Variants in KCNQ1OT1 observed in about 807,000 individuals in gnomAD.
KCNQ1OT1 encodes KCNQ1 antisense RNA 2 (non-protein coding).
chr11:2,629,419 C>G, exon 1 of KCNQ1OT1: 1 of 398,366 alleles, frequency 2.5e-6, no homozygotes. Context: ...CAATGTCATG[C>G]AGTTTTTGCC....
At chr11:2,699,319 A>G in exon 1 of KCNQ1OT1, 1 of 399,094 alleles carries the variant, frequency 2.5e-6, no homozygotes. Flanking sequence ...CGCGGGGCAC[A>G]CAGCTCACCT....
rs536043845 is a variant in KCNQ1OT1 at position 2,664,809 on chromosome 11, T to C, written n.35186A>G. The stretch of plus-strand genomic sequence containing the variant: ...CAGTTACCAAAAAACATTTCCATTT[T>C]TCTTCAGCATTCTACTGATGTTAAA... On this transcript the variant is annotated non_coding_transcript_exon_variant, in exon 1 of 1. Coordinates refer to ENST00000597346, the Ensembl canonical transcript of KCNQ1OT1. This position sits in a 1 kb window ranked among gnomAD's most constrained non-coding sequence, Gnocchi z 5.1. 87 of 398,600 alleles carry C rather than the reference T, an allele frequency of 2.2e-4. No individual in the cohort carries two copies. Among genetic ancestry groups the C allele is most frequent in the Admixed American group, 4.4e-5 (1 of 22,726 alleles). 24.7% of individuals were successfully genotyped at this position (398,600 alleles called of 1,614,324 possible).
chr11:2,695,915 G>T lies in KCNQ1OT1; in HGVS notation n.4080C>A. ...CTTCCTACCTTTTTCTTAATGATTT[G>T]TGGTGCTTTCTGGTATATTTTAGCT... On this transcript the variant is annotated non_coding_transcript_exon_variant, in exon 1 of 1. Coordinates refer to ENST00000597346, the Ensembl canonical transcript of KCNQ1OT1. The surrounding 1 kb of genome is among the most constrained non-coding windows in gnomAD (Gnocchi z 5.2). The T allele has an allele frequency of 2.5e-6, 1 of 398,530 alleles. No individual in the cohort carries two copies. The highest frequency in any genetic ancestry group is 4.4e-6 in the Non-Finnish European group (1 of 226,052). The allele number at this position is 398,530 out of a possible 1,614,324, so 24.7% of individuals were successfully genotyped here.
In KCNQ1OT1 at chr11:2,677,856, C is replaced by T. The variant is rs1850321224; in HGVS notation, n.22139G>A. 1.0e-5 allele frequency: 4 copies of T among 398,478 alleles called. No homozygotes were observed. In the East Asian group the frequency reaches 1.4e-4, roughly 14 times the overall value. The allele number at this position is 398,478 out of a possible 1,614,324, so 24.7% of individuals were successfully genotyped here. On this transcript the variant is annotated non_coding_transcript_exon_variant, in exon 1 of 1. Transcript: ENST00000597346. This position sits in a 1 kb window ranked among gnomAD's most constrained non-coding sequence, Gnocchi z 4.5. ...CAAATAAGGGCTGTACCATTTACAT[C>T]ACTTTGACTGCACAAATGCACTTTC...
chr11:2,622,421 T>C (rs1370734330), exon 1 of KCNQ1OT1: 4 of 398,296 alleles, frequency 1.0e-5, no homozygotes, highest in African/African-American at 2.1e-5. Context: ...TCTTTCACTT[T>C]CAATCTACTT....
chr11:2,609,151 A>G, exon 1 of KCNQ1OT1: 1 of 398,242 alleles, frequency 2.5e-6, no homozygotes, highest in Middle Eastern at 6.3e-4. Context: ...TTTTTGATAT[A>G]GGCATTCATA....
chr11:2,647,508 G>A lies in KCNQ1OT1; in HGVS notation n.52487C>T. Reference sequence around the variant, plus strand: ...TGGTTTTGGTATCAAGATACTGCTTGCCTCACAGAATGAGTTAGGGAGAAT... The same window carrying A: ...TGGTTTTGGTATCAAGATACTGCTTACCTCACAGAATGAGTTAGGGAGAAT... On this transcript the variant is annotated non_coding_transcript_exon_variant, in exon 1 of 1. Coordinates refer to ENST00000597346, the Ensembl canonical transcript of KCNQ1OT1. This position sits in a 1 kb window ranked among gnomAD's most constrained non-coding sequence, Gnocchi z 4.0. 2.5e-6 allele frequency: 1 copy of A among 398,492 alleles called. No individual in the cohort carries two copies. Among genetic ancestry groups the A allele is most frequent in the Non-Finnish European group, 4.4e-6 (1 of 226,044 alleles). The allele number at this position is 398,492 out of a possible 1,614,324, so 24.7% of individuals were successfully genotyped here.
In KCNQ1OT1 at chr11:2,640,598, T is replaced by C. The variant is rs532588222; in HGVS notation, n.59397A>G. ...TTTTTTGACCGATACATAATACTTATGGGGTACATGTGCTATTGTTACATG... is the reference window on the plus strand; with the variant it reads ...TTTTTTGACCGATACATAATACTTACGGGGTACATGTGCTATTGTTACATG... On this transcript the variant is annotated non_coding_transcript_exon_variant, in exon 1 of 1. Transcript: ENST00000597346. The C allele has an allele frequency of 4.8e-5, 19 of 396,502 alleles. No individual in the cohort carries two copies. In the South Asian group the frequency reaches 1.5e-3, roughly 32 times the overall value. 24.6% of individuals were successfully genotyped at this position (396,502 alleles called of 1,614,324 possible).
rs2133900705 is a variant in KCNQ1OT1 at position 2,698,505 on chromosome 11, C to G, written n.1490G>C. On this transcript the variant is annotated non_coding_transcript_exon_variant, in exon 1 of 1. Transcript: ENST00000597346. The surrounding 1 kb of genome is among the most constrained non-coding windows in gnomAD (Gnocchi z 5.1). ...AAGAGACTTCTACCACTACCTCTCA[C>G]CTGGCAGGTGATCACCACCCCCAAC... 2.5e-6 allele frequency: 1 copy of G among 398,626 alleles called. No homozygotes were observed. The highest frequency in any genetic ancestry group is 4.4e-6 in the Non-Finnish European group (1 of 226,074). 24.7% of individuals were successfully genotyped at this position (398,626 alleles called of 1,614,324 possible). A position where few individuals can be genotyped will look rare whatever the true frequency, so the allele number is the denominator to read the frequency against.
At chr11:2,685,638 G>A (rs947092480) in exon 1 of KCNQ1OT1, 4 of 398,624 alleles carry the variant, frequency 1.0e-5, no homozygotes, top group African/African-American at 8.2e-5. Flanking sequence ...TCAGGGTTGA[G>A]GGGACAAGCC....
In KCNQ1OT1 at chr11:2,674,073, C is replaced by T. The variant is rs960865497; in HGVS notation, n.25922G>A. 4.5e-5 allele frequency: 18 copies of T among 398,342 alleles called. No individual in the cohort carries two copies. The highest frequency in any genetic ancestry group is 4.4e-5 in the Non-Finnish European group (10 of 226,108). The allele number at this position is 398,342 out of a possible 1,614,324, so 24.7% of individuals were successfully genotyped here. A position where few individuals can be genotyped will look rare whatever the true frequency, so the allele number is the denominator to read the frequency against. On this transcript the variant is annotated non_coding_transcript_exon_variant, in exon 1 of 1. Coordinates refer to ENST00000597346, the Ensembl canonical transcript of KCNQ1OT1. The surrounding 1 kb of genome is among the most constrained non-coding windows in gnomAD (Gnocchi z 5.9). ...GTACTTGCTGGCTGCCCCATGGGGG[C>T]TTGGGCTAGGTCTCCCTGCCGGTGG... is the stretch of plus-strand genomic sequence containing the variant.
rs1849917273 is a variant in KCNQ1OT1 at position 2,659,760 on chromosome 11, G to C, written n.40235C>G. Reference sequence around the variant, plus strand: ...TGTTCCACATCCTCAAGAGTGGTTGGTATTGTCAGGTTTTGAATTTTTTTT... The same window carrying C: ...TGTTCCACATCCTCAAGAGTGGTTGCTATTGTCAGGTTTTGAATTTTTTTT... On this transcript the variant is annotated non_coding_transcript_exon_variant, in exon 1 of 1. Coordinates refer to ENST00000597346, the Ensembl canonical transcript of KCNQ1OT1. The surrounding 1 kb of genome is among the most constrained non-coding windows in gnomAD (Gnocchi z 4.3). 7.5e-6 allele frequency: 3 copies of C among 398,214 alleles called. No homozygotes were observed. The highest frequency in any genetic ancestry group is 1.3e-5 in the Non-Finnish European group (3 of 225,980). The allele number at this position is 398,214 out of a possible 1,614,324, so 24.7% of individuals were successfully genotyped here. A position where few individuals can be genotyped will look rare whatever the true frequency, so the allele number is the denominator to read the frequency against.
exon 1 of KCNQ1OT1, chr11:2,616,962 T>G (rs1042051945): frequency 3.0e-6 from 1 of 337,908 alleles, no homozygotes; most frequent in South Asian, 1.9e-4. Flanking sequence ...TATCTTGTTG[T>G]GTTTTTTTTT....
Position 2,679,493 on chromosome 11 carries a change from G to C in KCNQ1OT1, n.20502C>G. 1 of 398,602 alleles carries C rather than the reference G, an allele frequency of 2.5e-6. No individual in the cohort carries two copies. The highest frequency in any genetic ancestry group is 3.6e-5 in the East Asian group (1 of 28,080). 24.7% of individuals were successfully genotyped at this position (398,602 alleles called of 1,614,324 possible). Reference sequence around the variant, plus strand: ...GCAGAAAAGTGCCTGTCCTATAGTAGTGACACAGTGTTACTTAAATGTATT... The same window carrying C: ...GCAGAAAAGTGCCTGTCCTATAGTACTGACACAGTGTTACTTAAATGTATT... On this transcript the variant is annotated non_coding_transcript_exon_variant, in exon 1 of 1. Transcript: ENST00000597346. This position sits in a 1 kb window ranked among gnomAD's most constrained non-coding sequence, Gnocchi z 4.8.
exon 1 of KCNQ1OT1, chr11:2,640,958 A>T (rs1181314184): frequency 5.0e-6 from 2 of 398,492 alleles, no homozygotes; most frequent in African/African-American, 4.1e-5. Context: ...TAAAATAATG[A>T]CCTCCAGCTC....
At position 2,611,774 on chromosome 11, in the gene KCNQ1OT1, T is replaced by G. The variant is rs1589980876; in HGVS notation, n.88221A>C. 4.5e-5 allele frequency: 18 copies of G among 398,526 alleles called. No homozygotes were observed. The East Asian group carries it at 6.4e-4, about 14-fold the overall frequency. The allele number at this position is 398,526 out of a possible 1,614,324, so 24.7% of individuals were successfully genotyped here. On this transcript the variant is annotated non_coding_transcript_exon_variant, in exon 1 of 1. Transcript: ENST00000597346. This position sits in a 1 kb window ranked among gnomAD's most constrained non-coding sequence, Gnocchi z 5.3. ...TTATTTATTTTCTATATGTCTCATA[T>G]CACTTTTGTTCCTCTCTTCCTCCTT...
At chr11:2,692,249 C>G in exon 1 of KCNQ1OT1, 1 of 398,946 alleles carries the variant, frequency 2.5e-6, no homozygotes, top group Non-Finnish European at 4.4e-6. Context: ...AAGCCCATCA[C>G]CAAGCCAGGC....
In KCNQ1OT1 at chr11:2,674,751, G is replaced by T. The variant is rs1186370175; in HGVS notation, n.25244C>A. The T allele has an allele frequency of 2.6e-6, 1 of 385,942 alleles. No homozygotes were observed. The highest frequency in any genetic ancestry group is 2.2e-5 in the African/African-American group (1 of 45,536). 23.9% of individuals were successfully genotyped at this position (385,942 alleles called of 1,614,324 possible). ...ACTCGTTAAAGTTGCTCCAATCCCAGCCCAGTGCCAGACCAGCTTCCTGGA... is the reference window on the plus strand; with the variant it reads ...ACTCGTTAAAGTTGCTCCAATCCCATCCCAGTGCCAGACCAGCTTCCTGGA... On this transcript the variant is annotated non_coding_transcript_exon_variant, in exon 1 of 1. Transcript: ENST00000597346. This position sits in a 1 kb window ranked among gnomAD's most constrained non-coding sequence, Gnocchi z 5.9.
chr11:2,685,305 G>A (rs766403657), exon 1 of KCNQ1OT1: 6 of 398,624 alleles, frequency 1.5e-5, no homozygotes, highest in Non-Finnish European at 2.7e-5. Context: ...ACAGAGTATC[G>A]ATCTGTCTGA....
Sources: gnomAD v4.1 joint callset for allele counts on GRCh38, gnomAD v4.1.1 for gene constraint, Gnocchi (gnomAD v3.1) non-coding constraint, MANE v1.5 for transcripts, NCBI Gene and HGNC (gene_info 2026-07-23, HGNC 2026-07-21) for gene names.